NTM: variants seen among roughly 807,000 people sequenced by gnomAD.
The protein encoded by NTM is IgLON family member 2.
NTM carries 13 observed loss-of-function variants against 42.1 expected under a neutral mutation model. The ratio of observed to expected loss-of-function variants is 0.31; its 90% CI spans 0.20 to 0.49. The LOEUF (loss-of-function observed/expected upper bound fraction) is 0.49. Among genes scored for constraint, NTM ranks in the 20% least tolerant of loss-of-function variants. NTM has a pLI of 0.99. For synonymous variants in NTM, 187 were observed against 179.2 expected (o/e 1.04, Z -0.35); for missense variants, 373 against 452.8 (o/e 0.82, Z 1.60).
intron 1 of NTM, among the ~76,000 whole-genome samples, chr11:131,871,523 A>G (rs1467429142): frequency 6.6e-6 from 1 of 152,248 alleles, no homozygotes; most frequent in Non-Finnish European, 1.5e-5. Flanking sequence ...ATGATGATAC[A>G]ACTATAGCTA....
chr11:131,891,089 C>T, intron 1 of NTM, among the ~76,000 whole-genome samples: 1 of 152,168 alleles, frequency 6.6e-6, no homozygotes, highest in Admixed American at 6.5e-5. Context: ...TTCTATGAGT[C>T]TTTTCATCTA....
At chr11:132,094,662 G>A (rs574485240) in intron 2 of NTM, among the ~76,000 whole-genome samples, 2 of 152,282 alleles carry the variant, frequency 1.3e-5, no homozygotes, top group South Asian at 4.1e-4. Flanking sequence ...AGCCCCTTAA[G>A]CAGAGGAGCA....
At chr11:131,501,425 G>A (rs1435637715) in intron 1 of NTM, among the ~76,000 whole-genome samples, 1 of 152,134 alleles carries the variant, frequency 6.6e-6, no homozygotes, top group Non-Finnish European at 1.5e-5. Context: ...AAGGGGTTGA[G>A]GACATGTTTG....
chr11:131,643,258 C>G (rs76600229), intron 1 of NTM, among the ~76,000 whole-genome samples: 3,394 of 152,298 alleles, frequency 0.022, 108 homozygotes, highest in African/African-American at 0.075. Flanking sequence ...AGGGATGATT[C>G]TATCAACAGG....
At chr11:131,594,995 C>T (rs1422472329) in intron 1 of NTM, among the ~76,000 whole-genome samples, 1 of 152,212 alleles carries the variant, frequency 6.6e-6, no homozygotes, top group Non-Finnish European at 1.5e-5. Context: ...GATCCATCTG[C>T]TTCATAATAT....
At chr11:132,000,144 AGG>A (rs2068908097) in intron 2 of NTM, among the ~76,000 whole-genome samples, 2 of 152,162 alleles carry the variant, frequency 1.3e-5, no homozygotes, top group African/African-American at 4.8e-5. Context: ...CCTGGAAGCC[AGG>A]CAAGGCTTCT....
chr11:131,905,339 C>T (rs1349363791), intron 1 of NTM, among the ~76,000 whole-genome samples: 1 of 152,208 alleles, frequency 6.6e-6, no homozygotes, highest in Non-Finnish European at 1.5e-5. Context: ...TGCATGAACA[C>T]ACAATGTCGA....
intron 2 of NTM, among the ~76,000 whole-genome samples, chr11:131,920,374 A>G (rs1167327949): frequency 2.6e-5 from 4 of 152,160 alleles, no homozygotes. Context: ...GAAAATAGAG[A>G]AGGAGGCTTC....
At chr11:131,694,329 TCAA>T (rs2075162094) in intron 1 of NTM, among the ~76,000 whole-genome samples, 1 of 152,220 alleles carries the variant, frequency 6.6e-6, no homozygotes, top group South Asian at 2.1e-4. Flanking sequence ...CCATTTTCAT[TCAA>T]CATTTATTCA....
At chr11:131,873,690 T>TAC (rs1188237632) in intron 1 of NTM, among the ~76,000 whole-genome samples, 2 of 127,380 alleles carry the variant, frequency 1.6e-5, no homozygotes, top group African/African-American at 3.9e-5. Flanking sequence ...CACATATATA[T>TAC]ACACACATAT....
At chr11:131,758,886 C>T (rs1403436097) in intron 1 of NTM, among the ~76,000 whole-genome samples, 1 of 152,124 alleles carries the variant, frequency 6.6e-6, no homozygotes, top group Non-Finnish European at 1.5e-5. Context: ...CCCACCGTGT[C>T]CAGCCGTCTG....
Position 131,538,986 on chromosome 11 carries a change from G to C in NTM, c.82+168098G>C, listed in dbSNP as rs914985918. The C allele has an allele frequency of 2.7e-5, 4 of 145,632 alleles. No homozygotes were observed. In the Admixed American group the frequency reaches 2.8e-4, roughly 10 times the overall value. The allele number at this position is 145,632 out of a possible 1,614,324, so 9.0% of individuals were successfully genotyped here. A position where few individuals can be genotyped will look rare whatever the true frequency, so the allele number is the denominator to read the frequency against. On this transcript the variant is annotated intron_variant, in intron 1 of 8. Coordinates refer to ENST00000683400, the MANE Select transcript of NTM (RefSeq NM_001352005.2). ...CTTGCTCTGTTTCCCAGGCTGGAGT[G>C]CAGTGATGTAATCACAGCTCACCGC... is the stretch of plus-strand genomic sequence containing the variant.
chr11:131,631,495 A>G (rs1181629880), intron 1 of NTM, among the ~76,000 whole-genome samples: 1 of 152,206 alleles, frequency 6.6e-6, no homozygotes, highest in Non-Finnish European at 1.5e-5. Context: ...GAAAGCCACT[A>G]AGAGACTGAA....
intron 2 of NTM, among the ~76,000 whole-genome samples, chr11:132,055,599 G>A (rs1292821699): frequency 6.6e-6 from 1 of 152,062 alleles, no homozygotes; most frequent in Non-Finnish European, 1.5e-5. Context: ...TTAACATCAG[G>A]AGAGGGTATT....
intron 2 of NTM, among the ~76,000 whole-genome samples, chr11:132,034,366 T>C (rs1421230731): frequency 1.3e-5 from 2 of 152,328 alleles, no homozygotes; most frequent in Admixed American, 6.5e-5. Flanking sequence ...GCTTCACCCG[T>C]CTCAGGGGTG....
chr11:131,506,316 A>G (rs77041664), intron 1 of NTM, among the ~76,000 whole-genome samples: 2,464 of 152,230 alleles, frequency 0.016, 67 homozygotes, highest in African/African-American at 0.056. Context: ...GTGATCATCC[A>G]AACTGGGGAA....
At position 131,523,806 on chromosome 11, in the gene NTM, GAAT is replaced by G. The variant is rs1383094515; in HGVS notation, c.82+152921_82+152923del. ...TCAAAAAAAAAAAAAAAAAAAAAAA[GAAT>G]AAGAAGAAGAAAAGGAAGGAAGAAG... On this transcript the variant is annotated intron_variant, in intron 1 of 8. Transcript: ENST00000683400. Among the ~76,000 whole-genome samples, 3 of 123,892 alleles carry G rather than the reference GAAT, an allele frequency of 2.4e-5. 1 individual carries two copies. The Admixed American group carries it at 2.5e-4, about 10-fold the overall frequency. The allele number at this position is 123,892 out of a possible 152,430, so 81.3% of individuals were successfully genotyped here. A position where few individuals can be genotyped will look rare whatever the true frequency, so the allele number is the denominator to read the frequency against.
rs2071370707 is a variant in NTM at position 131,676,299 on chromosome 11, A to G, written c.83-235265A>G. 1.3e-5 allele frequency among the ~76,000 whole-genome samples: 2 copies of G among 152,232 alleles called. 1 individual carries two copies. Among genetic ancestry groups the G allele is most frequent in the Admixed American group, 1.3e-4 (2 of 15,284 alleles). On this transcript the variant is annotated intron_variant, in intron 1 of 8. Transcript: ENST00000683400. ...AATGAGATGTTTTCTGTATAATTAC[A>G]TAAAACAAAACCAAGACTGATGGAC...
intron 1 of NTM, among the ~76,000 whole-genome samples, chr11:131,500,931 T>C (rs549263301): frequency 2.0e-5 from 3 of 151,452 alleles, no homozygotes; most frequent in South Asian, 2.1e-4. Flanking sequence ...TCATTTTTTA[T>C]GGCTGCATAG....
Sources: gnomAD v4.1 joint callset for allele counts (sites outside exome capture counted in the v4.1 genomes callset) on GRCh38, gnomAD v4.1.1 for gene constraint, MANE v1.5 for transcripts, NCBI Gene and HGNC (gene_info 2026-07-23, HGNC 2026-07-21) for gene names.